The following HEG1 variants were observed in gnomAD, a reference collection of about 807,000 sequenced individuals.
HEG1 encodes the protein protein HEG homolog 1.
Under a neutral mutation model 125.6 loss-of-function variants are expected in HEG1, and 56 were observed. The ratio of observed to expected loss-of-function variants is 0.45; its 90% confidence interval spans 0.36 to 0.56. HEG1 has a LOEUF of 0.56. Among genes scored for constraint, HEG1 ranks in the 20% least tolerant of loss-of-function variants. The pLI, the probability that HEG1 is intolerant of heterozygous loss-of-function variation, is 0.00. For missense variants in HEG1, 1,523 were observed against 1,670.0 expected (o/e 0.91, Z 1.53); for synonymous variants, 644 against 668.5 (o/e 0.96, Z 0.57).
At chr3:125,041,293 A>G (rs920396913) in intron 1 of HEG1, among the ~76,000 whole-genome samples, 1 of 152,250 alleles carries the variant, frequency 6.6e-6, no homozygotes, top group Non-Finnish European at 1.5e-5. Context: ...CTTAGGGACC[A>G]TAGCAACCAA....
chr3:125,044,823 G>A (rs536507752), intron 1 of HEG1, among the ~76,000 whole-genome samples: 2 of 152,298 alleles, frequency 1.3e-5, no homozygotes, highest in South Asian at 2.1e-4. Flanking sequence ...TGTGGGCTTC[G>A]GGGATGTCTC....
chr3:125,015,312 G>T (rs1937228581), intron 5 of HEG1, among the ~76,000 whole-genome samples: 2 of 152,216 alleles, frequency 1.3e-5, no homozygotes, highest in Non-Finnish European at 2.9e-5. Flanking sequence ...TTATGTCAGA[G>T]AAATTGGTAG....
intron 16 of HEG1, chr3:124,971,952 C>T (rs1218782099): frequency 6.6e-6 from 1 of 151,986 alleles, no homozygotes; most frequent in Non-Finnish European, 1.5e-5. Context: ...CCATGCCTGG[C>T]TAATTAAAAA....
intron 5 of HEG1, among the ~76,000 whole-genome samples, chr3:125,017,256 T>C (rs1016278910): frequency 6.6e-6 from 1 of 152,206 alleles, no homozygotes; most frequent in Non-Finnish European, 1.5e-5. Flanking sequence ...GGTTTTGCCA[T>C]GTTGGCCGGG....
At chr3:125,020,164 T>C (rs139685498) in intron 4 of HEG1, among the ~76,000 whole-genome samples, 1,587 of 152,352 alleles carry the variant, frequency 0.01, 21 homozygotes, top group African/African-American at 0.035. Flanking sequence ...CAGTGGCTCA[T>C]GCCTGTAATC....
intron 14 of HEG1, among the ~76,000 whole-genome samples, chr3:124,983,377 C>T (rs957774653): frequency 2.0e-5 from 3 of 151,806 alleles, no homozygotes; most frequent in African/African-American, 7.3e-5. Context: ...TGCTCTGTCA[C>T]CCAGGCTGCA....
In HEG1 at chr3:125,048,103, T is replaced by C. The variant is rs148524336; in HGVS notation, c.316+7472A>G. On this transcript the variant is annotated intron_variant, in intron 1 of 16. Coordinates refer to ENST00000311127, the MANE Select transcript of HEG1 (RefSeq NM_020733.2). ...GACATCCCAGGAATTGGGATTGAAG[T>C]CTTGTCTGCCTCCCATGCCATCTGA... Among the ~76,000 whole-genome samples the C allele has an allele frequency of 4.6e-5, 7 of 151,924 alleles. No individual in the cohort carries two copies. In the East Asian group the frequency reaches 1.4e-3, roughly 29 times the overall value.
At chr3:124,995,118 GC>G (rs2107693452) in intron 12 of HEG1, among the ~76,000 whole-genome samples, 1 of 152,264 alleles carries the variant, frequency 6.6e-6, no homozygotes, top group Non-Finnish European at 1.5e-5. Context: ...CGGCAACATG[GC>G]AAAAGCCCAT....
At position 124,966,591 on chromosome 3, in the gene HEG1, A is replaced by G. The variant is rs1464668323; in HGVS notation, c.*4061T>C. On this transcript the variant is annotated 3_prime_UTR_variant, in exon 17 of 17. Coordinates refer to ENST00000311127, the MANE Select transcript of HEG1 (RefSeq NM_020733.2). Reference sequence around the variant, plus strand: ...ATCCACACAAAAGCTTTCAGACAGGAAAAAAAAGATGCTACTAAGGGTAAT... The same window carrying G: ...ATCCACACAAAAGCTTTCAGACAGGGAAAAAAAGATGCTACTAAGGGTAAT... The G allele has an allele frequency of 6.6e-6, 1 of 152,120 alleles. No homozygotes were observed. The highest frequency in any genetic ancestry group is 1.9e-4 in the East Asian group (1 of 5,198). 9.4% of individuals were successfully genotyped at this position (152,120 alleles called of 1,614,324 possible).
intron 15 of HEG1, 49 bp from the exon 16 acceptor site, chr3:124,973,954 T>C: frequency 7.7e-7 from 1 of 1,294,000 alleles, no homozygotes; most frequent in Non-Finnish European, 1.1e-6. Flanking sequence ...AAAGAAGTGA[T>C]ACTGTGAAAG....
chr3:124,981,868 A>C (rs59587887), intron 14 of HEG1, among the ~76,000 whole-genome samples: 49,792 of 150,884 alleles, frequency 0.33, 8,615 homozygotes, highest in East Asian at 0.48. Flanking sequence ...ACACACACAC[A>C]CCCCTCCCTG....
At chr3:125,040,074 A>G (rs1937581132) in intron 1 of HEG1, among the ~76,000 whole-genome samples, 2 of 152,224 alleles carry the variant, frequency 1.3e-5, no homozygotes, top group African/African-American at 2.4e-5. Flanking sequence ...CATAACGAAA[A>G]GAATAAGAGA....
rs148209885 is a variant in HEG1 at position 125,014,742 on chromosome 3, C to G, written c.1589-752G>C. On this transcript the variant is annotated intron_variant, in intron 5 of 16. Transcript: ENST00000311127. Reference sequence around the variant, plus strand: ...GAGTGCACTGGAGGCGGCCAGTGACCGTGAGACCAGGCCCATGTCGTCCGT... The same window carrying G: ...GAGTGCACTGGAGGCGGCCAGTGACGGTGAGACCAGGCCCATGTCGTCCGT... 5.2e-5 allele frequency: 67 copies of G among 1,282,614 alleles called. No homozygotes were observed. In the African/African-American group the frequency reaches 8.5e-4, roughly 16 times the overall value. The allele number at this position is 1,282,614 out of a possible 1,614,324, so 79.5% of individuals were successfully genotyped here.
intron 1 of HEG1, among the ~76,000 whole-genome samples, chr3:125,033,013 C>T (rs1470937683): frequency 1.3e-5 from 2 of 152,130 alleles, no homozygotes; most frequent in South Asian, 2.1e-4. Context: ...CACTGACCTG[C>T]GCTCTCTTCC....
rs376537299 is a variant in HEG1 at position 125,001,864 on chromosome 3, G to A, written c.3505C>T (p.Arg1169Trp). Residue 1169 changes from arginine (R) to tryptophan (W), a missense_variant, in exon 11 of 17, where the codon CGG becomes TGG. Physicochemically the swap from Arg to Trp is moderately radical, Grantham distance 101 (BLOSUM62 -3). Coordinates refer to ENST00000311127, the MANE Select transcript of HEG1 (RefSeq NM_020733.2). ...GCTGCCCTCTTACCTCTAAAGATCC[G>A]CCTCTGAGATCCCAAGAGCTGGCAG... ...EVCQLLGSQR[R>W]IFRAGSLCKR... is the part of the protein sequence containing the mutation. 8.6e-5 allele frequency: 139 copies of A among 1,612,754 alleles called. No homozygotes were observed. Among genetic ancestry groups the A allele is most frequent in the Middle Eastern group, 1.7e-4 (1 of 6,036 alleles).
chr3:125,042,765 G>A (rs761407560), intron 1 of HEG1, among the ~76,000 whole-genome samples: 15 of 152,196 alleles, frequency 9.9e-5, no homozygotes, highest in African/African-American at 2.4e-4. Context: ...AGGGTCCTCC[G>A]GATGAGGGGG....
At chr3:125,021,205 G>A in intron 3 of HEG1, 75 bp from the exon 4 acceptor site, 2 of 1,169,870 alleles carry the variant, frequency 1.7e-6, no homozygotes, top group Non-Finnish European at 2.4e-6. Context: ...AGATACAAAT[G>A]ACGTTTCTTA....
intron 14 of HEG1, among the ~76,000 whole-genome samples, chr3:124,989,544 T>C (rs1936795231): frequency 6.6e-6 from 1 of 152,178 alleles, no homozygotes; most frequent in African/African-American, 2.4e-5. Context: ...TTCTAATGTA[T>C]GAATATAAGA....
chr3:125,029,757 T>C (rs1456764393), intron 1 of HEG1, among the ~76,000 whole-genome samples: 1 of 152,162 alleles, frequency 6.6e-6, no homozygotes, highest in East Asian at 1.9e-4. Context: ...CCGGTCGTGA[T>C]GGCAGGTGCC....
Sources: allele counts gnomAD v4.1 joint callset (sites outside exome capture counted in the v4.1 genomes callset), GRCh38; gene constraint gnomAD v4.1.1; transcripts MANE v1.5; gene names NCBI Gene and HGNC (gene_info 2026-07-23, HGNC 2026-07-21).